The following PDE10A variants were observed in gnomAD, a reference collection of about 807,000 sequenced individuals.
PDE10A encodes cAMP and cAMP-inhibited cGMP 3',5'-cyclic phosphodiesterase 10A.
A neutral mutation model predicts 97.7 loss-of-function variants in PDE10A; 39 were observed. The observed-to-expected ratio is 0.40, with a 90% confidence interval of 0.31 to 0.52. The LOEUF (loss-of-function observed/expected upper bound fraction) is 0.52, where lower values mean the gene tolerates loss of function less well. Among genes scored for constraint, PDE10A ranks in the 20% least tolerant of loss-of-function variants. The pLI is 0.56. For missense variants in PDE10A, 731 were observed against 1,047.8 expected, an observed-to-expected ratio of 0.70 and a Z score of 4.17; for synonymous variants, 371 against 376.8, an observed-to-expected ratio of 0.98 and a Z score of 0.18.
intron 1 of PDE10A, among the ~76,000 whole-genome samples, chr6:165,981,192 A>C (rs1016147732): frequency 2.0e-5 from 3 of 152,206 alleles, no homozygotes; most frequent in African/African-American, 7.2e-5. Context: ...GGTGCTCTAC[A>C]TTATTGAACT....
intron 1 of PDE10A, among the ~76,000 whole-genome samples, chr6:165,877,813 A>G (rs1781384126): frequency 6.6e-6 from 1 of 152,200 alleles, no homozygotes; most frequent in Admixed American, 6.5e-5. Flanking sequence ...TAAACGCTTT[A>G]TATCTTATAA....
At chr6:165,539,409 C>T (rs756455744) in intron 2 of PDE10A, among the ~76,000 whole-genome samples, 1 of 152,182 alleles carries the variant, frequency 6.6e-6, no homozygotes, top group African/African-American at 2.4e-5. Context: ...GTCGTAATCG[C>T]GCCTCTTTCT....
At chr6:165,727,210 G>A (rs918489359) in intron 1 of PDE10A, among the ~76,000 whole-genome samples, 2 of 152,212 alleles carry the variant, frequency 1.3e-5, no homozygotes, top group Non-Finnish European at 2.9e-5. Flanking sequence ...AGTGACTCAG[G>A]ACGGAGGCGA....
At chr6:165,468,201 C>T (rs1425937074) in intron 3 of PDE10A, among the ~76,000 whole-genome samples, 1 of 152,112 alleles carries the variant, frequency 6.6e-6, no homozygotes, top group African/African-American at 2.4e-5. Flanking sequence ...GCCTCAGCCT[C>T]CTGAGTAGCA....
At chr6:165,641,047 G>A (rs1789105936) in intron 1 of PDE10A, among the ~76,000 whole-genome samples, 1 of 152,166 alleles carries the variant, frequency 6.6e-6, no homozygotes, top group African/African-American at 2.4e-5. Context: ...CATCTTCAAG[G>A]CAAGCTGATC....
chr6:165,443,774 C>G (rs377190850), intron 5 of PDE10A, among the ~76,000 whole-genome samples: 1 of 152,332 alleles, frequency 6.6e-6, no homozygotes, highest in Middle Eastern at 3.4e-3. Flanking sequence ...ACGGCTAGAG[C>G]TGAAGTGACT....
At chr6:165,417,457 A>T (rs1788399359) in intron 11 of PDE10A, among the ~76,000 whole-genome samples, 1 of 152,226 alleles carries the variant, frequency 6.6e-6, no homozygotes, top group Non-Finnish European at 1.5e-5. Context: ...CAGTCATCTG[A>T]GAGTTACAGT....
At chr6:165,375,194 G>A (rs942034463) in intron 18 of PDE10A, among the ~76,000 whole-genome samples, 1 of 152,190 alleles carries the variant, frequency 6.6e-6, no homozygotes, top group African/African-American at 2.4e-5. Context: ...TCAAAAGCTA[G>A]AAGTGACTAA....
In PDE10A at chr6:165,432,971, T is replaced by A. The variant is rs1466299652; in HGVS notation, c.1491+3A>T. The A allele has an allele frequency of 5.6e-6, 9 of 1,612,658 alleles. No homozygotes were observed. The highest frequency in any genetic ancestry group is 7.6e-6 in the Non-Finnish European group (9 of 1,179,132). ...TCTAACATGCAGCATTTAAAGGCCTTACCTCCTGGTGACTAAGACAGAAGG... is the reference window on the plus strand; with the variant it reads ...TCTAACATGCAGCATTTAAAGGCCTAACCTCCTGGTGACTAAGACAGAAGG... On this transcript the variant is annotated splice_donor_region_variant and intron_variant, in intron 7 of 21. Transcript: ENST00000539869.
At chr6:165,538,289 T>C (rs1783218812) in intron 2 of PDE10A, among the ~76,000 whole-genome samples, 1 of 152,076 alleles carries the variant, frequency 6.6e-6, no homozygotes, top group African/African-American at 2.4e-5. Flanking sequence ...AAATTTAAGG[T>C]ATCAGGCAGC....
At chr6:165,670,526 G>A (rs1790618945) in intron 1 of PDE10A, among the ~76,000 whole-genome samples, 1 of 152,164 alleles carries the variant, frequency 6.6e-6, no homozygotes, top group Non-Finnish European at 1.5e-5. Flanking sequence ...TGCATTCTGA[G>A]CAATTCTCTT....
At chr6:165,545,060 T>C (rs539152918) in intron 1 of PDE10A, 7 of 440,990 alleles carry the variant, frequency 1.6e-5, no homozygotes, top group Admixed American at 9.4e-5. Context: ...GCTGATAGCA[T>C]ACTTGACCTT....
chr6:165,494,538 T>TATATATA (rs1562519787), intron 2 of PDE10A, among the ~76,000 whole-genome samples: 1 of 139,858 alleles, frequency 7.2e-6, no homozygotes, highest in African/African-American at 2.7e-5. Context: ...ATATATATAT[T>TATATATA]TATTTATTTA....
At chr6:165,534,655 C>T (rs1782971156) in intron 2 of PDE10A, among the ~76,000 whole-genome samples, 1 of 151,940 alleles carries the variant, frequency 6.6e-6, no homozygotes, top group Non-Finnish European at 1.5e-5. Flanking sequence ...ATATGCAAAT[C>T]AATAAATATG....
At position 165,943,162 on chromosome 6, in the gene PDE10A, A is replaced by AG. The variant is rs1293559892; in HGVS notation, c.-615+44366_-615+44367insC. On this transcript the variant is annotated intron_variant, in intron 1 of 19. Coordinates refer to the PDE10A transcript ENST00000366882. Reference sequence around the variant, plus strand: ...AGAGAGGAGAGAGAGAGAGAGAGAGAAGAAAGAAAGAAAAAAGAAAGAAAG... The same window carrying AG: ...AGAGAGGAGAGAGAGAGAGAGAGAGAGAGAAAGAAAGAAAAAAGAAAGAAAG... Among the ~76,000 whole-genome samples the AG allele has an allele frequency of 1.0e-3, 85 of 85,234 alleles. 1 individual carries two copies. Among genetic ancestry groups the AG allele is most frequent in the Non-Finnish European group, 1.5e-3 (65 of 43,306 alleles). 55.9% of individuals were successfully genotyped at this position (85,234 alleles called of 152,430 possible).
At chr6:165,379,397 A>G in intron 17 of PDE10A, 31 bp from the exon 18 acceptor site, 1 of 1,548,366 alleles carries the variant, frequency 6.5e-7, no homozygotes, top group Non-Finnish European at 8.9e-7. Context: ...AAAACCACCA[A>G]TAACAAGCAC....
At position 165,749,536 on chromosome 6, in the gene PDE10A, T is replaced by C. The variant is rs575378596; in HGVS notation, c.-614-205968A>G. 1.4e-4 allele frequency among the ~76,000 whole-genome samples: 11 copies of C among 78,526 alleles called. No homozygotes were observed. In the East Asian group the frequency reaches 4.2e-3, roughly 30 times the overall value. 51.5% of individuals were successfully genotyped at this position (78,526 alleles called of 152,430 possible). A position where few individuals can be genotyped will look rare whatever the true frequency, so the allele number is the denominator to read the frequency against. On this transcript the variant is annotated intron_variant, in intron 1 of 19. Coordinates refer to the PDE10A transcript ENST00000366882. Reference sequence around the variant, plus strand: ...TTACCACCATCATCTATGACCTATTTCTACAATAAAGTTAGTAATGAACAA... The same window carrying C: ...TTACCACCATCATCTATGACCTATTCCTACAATAAAGTTAGTAATGAACAA...
chr6:165,353,053 A>G (rs1782800287), intron 18 of PDE10A, among the ~76,000 whole-genome samples: 1 of 152,230 alleles, frequency 6.6e-6, no homozygotes, highest in South Asian at 2.1e-4. Context: ...ACCTCACTAA[A>G]AATATATATA....
chr6:165,822,412 A>G (rs1176748368), intron 1 of PDE10A, among the ~76,000 whole-genome samples: 2 of 145,568 alleles, frequency 1.4e-5, no homozygotes, highest in Non-Finnish European at 3.0e-5. Context: ...ACAGCCCAAC[A>G]CACACCTGGA....
Sources: allele counts gnomAD v4.1 joint callset (sites outside exome capture counted in the v4.1 genomes callset), GRCh38; gene constraint gnomAD v4.1.1; transcripts MANE v1.5; gene names NCBI Gene and HGNC (gene_info 2026-07-23, HGNC 2026-07-21).